The following GABRG3 variants were observed in gnomAD, a reference collection of about 807,000 sequenced individuals.
GABRG3 encodes the protein gamma-aminobutyric acid receptor subunit gamma-3.
Under a neutral mutation model 48.8 loss-of-function variants are expected in GABRG3, and 25 were observed. The observed-to-expected ratio is 0.51, with a 90% CI of 0.37 to 0.72. The LOEUF (loss-of-function observed/expected upper bound fraction) is 0.72, where lower values mean the gene tolerates loss of function less well. Among genes scored for constraint, GABRG3 ranks in the 30% least tolerant of loss-of-function variants. GABRG3 has a pLI of 0.00. For missense variants in GABRG3, 394 were observed against 577.9 expected (o/e 0.68, Z 3.26); for synonymous variants, 227 against 217.6 (o/e 1.04, Z -0.38).
At chr15:27,176,796 G>A (rs1887760312) in intron 3 of GABRG3, among the ~76,000 whole-genome samples, 1 of 152,160 alleles carries the variant, frequency 6.6e-6, no homozygotes. Context: ...CTTAGGGCAT[G>A]CCATAGGGTG....
At chr15:27,248,831 G>GAGAGAGAGAGAGAGAGAA (rs1555412455) in intron 3 of GABRG3, among the ~76,000 whole-genome samples, 7 of 128,912 alleles carry the variant, frequency 5.4e-5, no homozygotes, top group African/African-American at 1.8e-4. Flanking sequence ...GAGAGAGAGA[G>GAGAGAGAGAGAGAGAGAA]AGAGACAGAG....
chr15:27,499,919 G>T (rs1358428339), intron 6 of GABRG3, among the ~76,000 whole-genome samples: 5 of 152,334 alleles, frequency 3.3e-5, no homozygotes, highest in African/African-American at 1.2e-4. Flanking sequence ...CTCGGACCTG[G>T]TGGAACAGGT....
chr15:27,288,995 C>T (rs1046808827), intron 3 of GABRG3, among the ~76,000 whole-genome samples: 6 of 152,114 alleles, frequency 3.9e-5, no homozygotes, highest in African/African-American at 7.2e-5. Flanking sequence ...AAAAATGTTC[C>T]AACATCTTCT....
intron 6 of GABRG3, among the ~76,000 whole-genome samples, chr15:27,483,625 G>T (rs1472960955): frequency 6.6e-6 from 1 of 152,172 alleles, no homozygotes; most frequent in Non-Finnish European, 1.5e-5. Context: ...TTTTTACTTG[G>T]ACTTCCTTGC....
chr15:27,046,095 TC>T (rs1436637492), intron 3 of GABRG3, among the ~76,000 whole-genome samples: 1 of 152,084 alleles, frequency 6.6e-6, no homozygotes, highest in Non-Finnish European at 1.5e-5. Context: ...TTCTTTTTTT[TC>T]TTTTTTATTT....
At chr15:27,145,913 A>G (rs1039856373) in intron 3 of GABRG3, among the ~76,000 whole-genome samples, 5 of 152,056 alleles carry the variant, frequency 3.3e-5, no homozygotes, top group African/African-American at 1.2e-4. Context: ...TTAACAGTTA[A>G]TTTCTCCTGA....
intron 3 of GABRG3, among the ~76,000 whole-genome samples, chr15:27,200,901 TC>T (rs1316070518): frequency 1.3e-5 from 2 of 152,152 alleles, no homozygotes; most frequent in Non-Finnish European, 2.9e-5. Context: ...CTGCCTGCCC[TC>T]CTGGCTGCTT....
At chr15:27,394,152 G>A (rs1182251557) in intron 5 of GABRG3, among the ~76,000 whole-genome samples, 3 of 152,034 alleles carry the variant, frequency 2.0e-5, no homozygotes, top group Non-Finnish European at 4.4e-5. Flanking sequence ...TATGTCTTAG[G>A]TCATTTTTGT....
At chr15:27,474,888 T>C (rs528248807) in intron 5 of GABRG3, among the ~76,000 whole-genome samples, 2 of 152,072 alleles carry the variant, frequency 1.3e-5, no homozygotes, top group South Asian at 4.2e-4. Context: ...TCCCTGCACT[T>C]TGGGAGGCTG....
intron 6 of GABRG3, among the ~76,000 whole-genome samples, chr15:27,493,003 T>TA (rs1283406132): frequency 3.3e-5 from 5 of 152,330 alleles, no homozygotes; most frequent in South Asian, 2.1e-4. Context: ...TGCACCAAGA[T>TA]AAAAAATACC....
intron 3 of GABRG3, among the ~76,000 whole-genome samples, chr15:27,059,614 C>T (rs908259291): frequency 6.6e-6 from 1 of 152,184 alleles, no homozygotes; most frequent in Non-Finnish European, 1.5e-5. Flanking sequence ...ATTTGACATA[C>T]ACTGTTTTGC....
chr15:27,478,668 A>G (rs1890020614), intron 5 of GABRG3, among the ~76,000 whole-genome samples: 1 of 152,238 alleles, frequency 6.6e-6, no homozygotes. Flanking sequence ...AGAACTGAAA[A>G]CATATATCAA....
intron 3 of GABRG3, among the ~76,000 whole-genome samples, chr15:27,195,260 C>A (rs1222101951): frequency 3.3e-5 from 5 of 152,306 alleles, no homozygotes; most frequent in African/African-American, 1.2e-4. Flanking sequence ...CTTTTCCATG[C>A]ATCTTGTGAC....
At chr15:27,306,386 A>G (rs1892448808) in intron 3 of GABRG3, among the ~76,000 whole-genome samples, 2 of 140,526 alleles carry the variant, frequency 1.4e-5, no homozygotes, top group Admixed American at 1.5e-4. Context: ...AAACATGTCT[A>G]CATGTAAACA....
At position 27,265,882 on chromosome 15, in the gene GABRG3, GT is replaced by G. The variant is rs57522857; in HGVS notation, c.271-60912del. ...GCAAGGTCAAGAAGATTTTCTCCTG[GT>G]TTTTTTTTTTTTTTGAGAGTGACCT... On this transcript the variant is annotated intron_variant, in intron 3 of 9. Coordinates refer to ENST00000615808, the MANE Select transcript of GABRG3 (RefSeq NM_033223.5). Among the ~76,000 whole-genome samples the G allele has an allele frequency of 7.9e-4, 101 of 127,576 alleles. 4 individuals are homozygous for G. The highest frequency in any genetic ancestry group is 2.4e-3 in the African/African-American group (72 of 29,448). The allele number at this position is 127,576 out of a possible 152,430, so 83.7% of individuals were successfully genotyped here.
intron 3 of GABRG3, among the ~76,000 whole-genome samples, chr15:27,294,241 T>C (rs1891901227): frequency 6.6e-6 from 1 of 150,740 alleles, no homozygotes; most frequent in East Asian, 1.9e-4. Context: ...TTTTTTTTTT[T>C]TGAGACAAGC....
chr15:27,023,636 C>T (rs963135376), intron 2 of GABRG3, among the ~76,000 whole-genome samples: 2 of 152,218 alleles, frequency 1.3e-5, no homozygotes, highest in African/African-American at 2.4e-5. Flanking sequence ...GCACGTATCA[C>T]GATATCCTTC....
chr15:27,032,569 C>T (rs572165939), intron 3 of GABRG3, among the ~76,000 whole-genome samples: 1 of 152,062 alleles, frequency 6.6e-6, no homozygotes, highest in Non-Finnish European at 1.5e-5. Context: ...TGAGAGGGAG[C>T]AAGAGAGAGA....
chr15:27,284,452 T>G (rs925041463), intron 3 of GABRG3, among the ~76,000 whole-genome samples: 3 of 152,220 alleles, frequency 2.0e-5, no homozygotes, highest in African/African-American at 7.2e-5. Context: ...ATCATCTATA[T>G]ACGTAAGAAT....
Sources: gnomAD v4.1 joint callset for allele counts (sites outside exome capture counted in the v4.1 genomes callset) on GRCh38, gnomAD v4.1.1 for gene constraint, MANE v1.5 for transcripts, NCBI Gene and HGNC (gene_info 2026-07-23, HGNC 2026-07-21) for gene names.